GNPTAB: variants seen among roughly 807,000 people sequenced by gnomAD.
GNPTAB encodes the protein N-acetylglucosamine-1-phosphate transferase subunits alpha and beta.
GNPTAB carries 92 observed loss-of-function variants against 136.6 expected under a neutral mutation model. The observed-to-expected ratio is 0.67, with a 90% CI of 0.57 to 0.80. The LOEUF is 0.80. Ranked by LOEUF, GNPTAB falls within the 30% of genes least tolerant of loss-of-function variation. GNPTAB has a pLI of 0.00. For synonymous variants in GNPTAB, 512 were observed against 535.1 expected (o/e 0.96, Z 0.60); for missense variants, 1,343 against 1,501.8 (o/e 0.89, Z 1.75).
intron 2 of GNPTAB, among the ~76,000 whole-genome samples, chr12:101,792,796 C>T (rs1185119566): frequency 6.6e-6 from 1 of 152,212 alleles, no homozygotes; most frequent in East Asian, 1.9e-4. Flanking sequence ...GAAATGTTAT[C>T]ATGCATTCTG....
intron 1 of GNPTAB, among the ~76,000 whole-genome samples, chr12:101,806,018 C>T (rs1028052672): frequency 6.6e-6 from 1 of 151,990 alleles, no homozygotes; most frequent in South Asian, 2.1e-4. Context: ...CATTTTCAAA[C>T]AATCGTTTAA....
chr12:101,828,661 G>T lies in GNPTAB; in HGVS notation c.117+1898C>A, dbSNP rs774226472. ...GCCGAGATTGCGCCATTGCACTCCAGCTTGGGTGACAGTGTGAGACTCCAT... is the reference window on the plus strand; with the variant it reads ...GCCGAGATTGCGCCATTGCACTCCATCTTGGGTGACAGTGTGAGACTCCAT... On this transcript the variant is annotated intron_variant, in intron 1 of 20. Transcript: ENST00000299314. Among the ~76,000 whole-genome samples the T allele has an allele frequency of 2.0e-5, 3 of 151,970 alleles. No individual in the cohort carries two copies. In the South Asian group the frequency reaches 6.2e-4, roughly 32 times the overall value.
At position 101,746,916 on chromosome 12, in the gene GNPTAB, AC is replaced by A; in HGVS notation, c.*247del. On this transcript the variant is annotated 3_prime_UTR_variant, in exon 21 of 21. Transcript: ENST00000299314. ...AGTGAGCCTTTTTATAAAAAGGATG[AC>A]AGGTCCATGAGCAAATTCTTTAAAA... 2.2e-6 allele frequency: 1 copy of A among 445,908 alleles called. No homozygotes were observed. The highest frequency in any genetic ancestry group is 2.7e-5 in the South Asian group (1 of 37,504). 27.6% of individuals were successfully genotyped at this position (445,908 alleles called of 1,614,324 possible).
rs762179679 is a variant in GNPTAB, at chr12:101,757,635, A to C, written c.3272T>G (p.Val1091Gly). The stretch of plus-strand genomic sequence containing the variant: ...GTCAGTTACTGGTTTACAGTTTGTT[A>C]CTAGACTTTTAGTGACCGGTGGCTA... The part of the protein sequence containing the change: ...PNLPPVTKSL[V>G]TNCKPVTDKI... Residue 1091 changes from valine (V) to glycine (G), a missense_variant, in exon 17 of 21, where the codon GTA (valine) becomes GGA (glycine). Coordinates refer to ENST00000299314, the MANE Select transcript of GNPTAB (RefSeq NM_024312.5). 6.3e-7 allele frequency: 1 copy of C among 1,583,406 alleles called. No homozygotes were observed. The highest frequency in any genetic ancestry group is 1.7e-5 in the Admixed American group (1 of 59,980).
chr12:101,802,706 A>AATGTTG (rs1250016186), intron 1 of GNPTAB, among the ~76,000 whole-genome samples: 3 of 152,186 alleles, frequency 2.0e-5, no homozygotes, highest in African/African-American at 7.2e-5. Flanking sequence ...ATTTAAAGAA[A>AATGTTG]ATGTTGAATC....
chr12:101,815,720 C>T (rs1299057416), intron 1 of GNPTAB, among the ~76,000 whole-genome samples: 1 of 152,096 alleles, frequency 6.6e-6, no homozygotes, highest in Admixed American at 6.5e-5. Flanking sequence ...ACTGATTCTG[C>T]TCCCAAATAG....
chr12:101,782,132 G>A (rs1868380897), intron 5 of GNPTAB, among the ~76,000 whole-genome samples: 1 of 151,878 alleles, frequency 6.6e-6, no homozygotes, highest in East Asian at 1.9e-4. Context: ...TGGCAGAGAA[G>A]CTATTGTCCT....
At chr12:101,804,070 T>TA (rs984635674) in intron 1 of GNPTAB, among the ~76,000 whole-genome samples, 69 of 148,176 alleles carry the variant, frequency 4.7e-4, no homozygotes, top group Middle Eastern at 7.2e-3. Flanking sequence ...TGTCTCTATT[T>TA]AAAAAAAAAA....
chr12:101,786,542 C>T (rs1868661028), intron 4 of GNPTAB, among the ~76,000 whole-genome samples: 1 of 151,914 alleles, frequency 6.6e-6, no homozygotes, highest in Non-Finnish European at 1.5e-5. Flanking sequence ...CCAATAAAGC[C>T]CATTATTGGA....
chr12:101,766,144 T>A lies in GNPTAB; in HGVS notation c.1559A>T (p.Asp520Val). Residue 520 changes from aspartate (D) to valine (V), a missense_variant, in exon 12 of 21, where the codon GAC becomes GTC. Physicochemically the swap from Asp to Val is radical, Grantham distance 152 (BLOSUM62 -3). Coordinates refer to ENST00000299314, the MANE Select transcript of GNPTAB (RefSeq NM_024312.5). The part of the protein sequence containing the change: ...ANSWLADKFC[D>V]QACNVLSCGF... Reference sequence around the variant, plus strand: ...ACAGGACAAGACATTGCATGCTTGGTCACAGAACTTATCAGCGAGCCAGGA... The same window carrying A: ...ACAGGACAAGACATTGCATGCTTGGACACAGAACTTATCAGCGAGCCAGGA... The A allele has an allele frequency of 6.2e-7, 1 of 1,614,166 alleles. No individual in the cohort carries two copies. Among genetic ancestry groups the A allele is most frequent in the Non-Finnish European group, 8.5e-7 (1 of 1,180,012 alleles).
Position 101,764,912 on chromosome 12 carries a change from T to A in GNPTAB, c.2005A>T (p.Ile669Phe), listed in dbSNP as rs1566074203. 6.2e-7 allele frequency: 1 copy of A among 1,614,162 alleles called. No individual in the cohort carries two copies. Among genetic ancestry groups the A allele is most frequent in the Admixed American group, 1.7e-5 (1 of 60,028 alleles). ...LPEAEILFEDIPKEKRFPKFK... is the reference protein window; with the variant it reads ...LPEAEILFEDFPKEKRFPKFK... ...TTCGGGAAGCGTTTTTCTTTGGGAA[T>A]ATCCTCAAAAAGGATTTCCGCCTCT... The change falls in exon 13 of 21, where the codon ATT becomes TTT. Residue 669 changes from isoleucine to phenylalanine, a missense_variant. Physicochemically the swap from Ile to Phe is conservative, Grantham distance 21. Coordinates refer to ENST00000299314, the MANE Select transcript of GNPTAB (RefSeq NM_024312.5).
At chr12:101,771,894 C>CA (rs1471029083) in intron 7 of GNPTAB, among the ~76,000 whole-genome samples, 18 of 152,152 alleles carry the variant, frequency 1.2e-4, no homozygotes, top group Admixed American at 6.5e-5. Flanking sequence ...TTATATTGGG[C>CA]AAAAAATCTG....
At position 101,762,986 on chromosome 12, in the gene GNPTAB, C is replaced by T. The variant is rs550798458; in HGVS notation, c.2715+1216G>A. Among the ~76,000 whole-genome samples, 599 of 151,030 alleles carry T rather than the reference C, an allele frequency of 4.0e-3. 3 individuals are homozygous for T. Among genetic ancestry groups the T allele is most frequent in the African/African-American group, 0.014 (565 of 41,276 alleles). On this transcript the variant is annotated intron_variant, in intron 13 of 20. Coordinates refer to ENST00000299314, the MANE Select transcript of GNPTAB (RefSeq NM_024312.5). ...CTGTAATCCCAGCACTTTGGGAGGC[C>T]GAGGCGGGCGGATCACCTTAAGTCA...
chr12:101,800,245 G>A (rs1338744163), intron 1 of GNPTAB, among the ~76,000 whole-genome samples: 1 of 152,012 alleles, frequency 6.6e-6, no homozygotes, highest in Non-Finnish European at 1.5e-5. Flanking sequence ...AGCACTTTGG[G>A]AGGATGAATT....
At chr12:101,806,101 G>C (rs190561334) in intron 1 of GNPTAB, among the ~76,000 whole-genome samples, 1 of 152,198 alleles carries the variant, frequency 6.6e-6, no homozygotes, top group East Asian at 1.9e-4. Flanking sequence ...ACATAGCAAT[G>C]ACCAAAACAA....
At chr12:101,790,187 T>C in intron 2 of GNPTAB, 130 bp from the exon 3 acceptor site, 1 of 1,246,172 alleles carries the variant, frequency 8.0e-7, no homozygotes, top group Non-Finnish European at 1.2e-6. Flanking sequence ...CCATGACATA[T>C]TATCACAGAA....
intron 1 of GNPTAB, among the ~76,000 whole-genome samples, chr12:101,820,899 A>T (rs1160453493): frequency 6.6e-6 from 1 of 152,028 alleles, no homozygotes; most frequent in African/African-American, 2.4e-5. Context: ...TCTATTAAAA[A>T]TTTAAAAAGT....
intron 1 of GNPTAB, among the ~76,000 whole-genome samples, chr12:101,819,725 T>G (rs1382562951): frequency 6.6e-6 from 1 of 152,208 alleles, no homozygotes; most frequent in African/African-American, 2.4e-5. Flanking sequence ...ACTAATCAAC[T>G]GCTGAAGATT....
intron 19 of GNPTAB, among the ~76,000 whole-genome samples, chr12:101,750,716 C>T (rs1952803492): frequency 1.3e-5 from 2 of 152,146 alleles, no homozygotes; most frequent in Non-Finnish European, 2.9e-5. Context: ...TTCTGGGAGA[C>T]AAGACCCATG....
Sources: gnomAD v4.1 joint callset for allele counts (sites outside exome capture counted in the v4.1 genomes callset) on GRCh38, gnomAD v4.1.1 for gene constraint, MANE v1.5 for transcripts, NCBI Gene and HGNC (gene_info 2026-07-23, HGNC 2026-07-21) for gene names.